CDH22: variants seen among roughly 807,000 people sequenced by gnomAD.
The protein encoded by CDH22 is cadherin-22.
In CDH22, 30 loss-of-function variants were observed where a neutral mutation model predicts 58.4. The observed-to-expected ratio is 0.51, with a 90% CI of 0.38 to 0.70. The LOEUF is 0.70. Among genes scored for constraint, CDH22 ranks in the 30% least tolerant of loss-of-function variants. The probability of loss-of-function intolerance (pLI) is 0.00; values close to 1 mark genes in which losing one functional copy is unlikely to be tolerated. For missense variants in CDH22, 1,014 were observed against 1,233.9 expected (o/e 0.82, Z 2.67); for synonymous variants, 513 against 558.2 (o/e 0.92, Z 1.14).
At chr20:46,223,705 CTT>C (rs1440360973) in intron 4 of CDH22, among the ~76,000 whole-genome samples, 2,872 of 56,980 alleles carry the variant, frequency 0.05, 86 homozygotes, top group African/African-American at 0.12. Flanking sequence ...TTCTTTCTTT[CTT>C]TCTTTCTTTT....
intron 2 of CDH22, among the ~76,000 whole-genome samples, chr20:46,245,657 T>C (rs1462731908): frequency 2.6e-5 from 4 of 152,098 alleles, no homozygotes; most frequent in Non-Finnish European, 5.9e-5. Flanking sequence ...ACATATTGAA[T>C]AAATGAATAA....
chr20:46,278,347 C>T (rs1277602477), intron 1 of CDH22, among the ~76,000 whole-genome samples: 4 of 152,162 alleles, frequency 2.6e-5, no homozygotes, highest in African/African-American at 9.7e-5. Flanking sequence ...AGTGAGTCCT[C>T]CCCACCTCTG....
intron 1 of CDH22, among the ~76,000 whole-genome samples, chr20:46,286,325 A>T (rs2086576652): frequency 6.6e-6 from 1 of 152,094 alleles, no homozygotes; most frequent in Non-Finnish European, 1.5e-5. Flanking sequence ...GTCGAGGTCC[A>T]AATCTGACCA....
intron 1 of CDH22, among the ~76,000 whole-genome samples, chr20:46,278,011 G>A (rs2086529000): frequency 7.6e-6 from 1 of 132,350 alleles, no homozygotes; most frequent in Non-Finnish European, 1.7e-5. Flanking sequence ...GGGGCAGGAG[G>A]CGTTGGCCGA....
intron 1 of CDH22, among the ~76,000 whole-genome samples, chr20:46,253,616 G>T (rs1254535371): frequency 1.3e-5 from 2 of 152,164 alleles, no homozygotes; most frequent in Admixed American, 6.5e-5. Context: ...CCAGGGATCC[G>T]GCTTTGATTC....
chr20:46,250,907 G>A, intron 2 of CDH22, 133 bp downstream of exon 2: 1 of 605,298 alleles, frequency 1.7e-6, no homozygotes, highest in Non-Finnish European at 2.9e-6. Context: ...CCCCTTATCA[G>A]TCCTTGGCTA....
Position 46,174,826 on chromosome 20 carries a change from G to A in CDH22, c.2167C>T (p.Gln723Ter). 1 of 1,431,634 alleles carries A rather than the reference G, an allele frequency of 7.0e-7. No individual in the cohort carries two copies. The highest frequency in any genetic ancestry group is 9.1e-7 in the Non-Finnish European group (1 of 1,094,234). 88.7% of individuals were successfully genotyped at this position (1,431,634 alleles called of 1,614,324 possible). A position where few individuals can be genotyped will look rare whatever the true frequency, so the allele number is the denominator to read the frequency against. ...GSGGGAGSPP[Q>*]AHLPSERHSL... ...TGGCGCTCGGAGGGCAGGTGGGCCTGCGGGGGGCTGCCCGCGCCCCCGCCC... is the reference window on the plus strand; with the variant it reads ...TGGCGCTCGGAGGGCAGGTGGGCCTACGGGGGGCTGCCCGCGCCCCCGCCC... Residue 723 changes from glutamine to a stop codon, truncating the protein, a stop_gained, in exon 12 of 12, where the codon CAG (glutamine) becomes TAG (stop). Coordinates refer to ENST00000537909, the MANE Select transcript of CDH22 (RefSeq NM_021248.3). LOFTEE classifies it low-confidence loss of function (END_TRUNC). This position sits in a 1 kb window ranked among gnomAD's most constrained non-coding sequence, Gnocchi z 4.4.
intron 3 of CDH22, 119 bp downstream of exon 3, chr20:46,240,844 A>T: frequency 1.1e-6 from 1 of 912,910 alleles, no homozygotes; most frequent in Non-Finnish European, 1.6e-6. Context: ...CCTGTACCCT[A>T]GGTCAGCAGG....
chr20:46,288,831 G>A lies in CDH22; in HGVS notation c.-400+19424C>T, dbSNP rs1810583694. ...TGCCACCTTCATTGTTAGCAGCCTG[G>A]TCCGGCCACCATCATCTCTCACCTG... On this transcript the variant is annotated intron_variant, in intron 1 of 11. Coordinates refer to ENST00000537909, the MANE Select transcript of CDH22 (RefSeq NM_021248.3). Among the ~76,000 whole-genome samples, 3 of 152,106 alleles carry A rather than the reference G, an allele frequency of 2.0e-5. No individual in the cohort carries two copies. In the South Asian group the frequency reaches 6.2e-4, roughly 32 times the overall value.
At chr20:46,244,494 T>C (rs1472547159) in intron 2 of CDH22, among the ~76,000 whole-genome samples, 1 of 152,248 alleles carries the variant, frequency 6.6e-6, no homozygotes, top group Non-Finnish European at 1.5e-5. Context: ...GGCTGGAAGA[T>C]GGTGCTCTCA....
At chr20:46,219,513 T>A (rs1293457010) in intron 4 of CDH22, among the ~76,000 whole-genome samples, 1 of 152,146 alleles carries the variant, frequency 6.6e-6, no homozygotes, top group Non-Finnish European at 1.5e-5. Flanking sequence ...GACCTGTATG[T>A]TGTAGGATAT....
chr20:46,264,328 G>A (rs1423631650), intron 1 of CDH22, among the ~76,000 whole-genome samples: 1 of 152,198 alleles, frequency 6.6e-6, no homozygotes, highest in Non-Finnish European at 1.5e-5. Flanking sequence ...CAGGCACAGG[G>A]AAGGAAGAAA....
chr20:46,186,752 A>C, intron 9 of CDH22, 47 bp from the exon 10 acceptor site: 1 of 1,603,510 alleles, frequency 6.2e-7, no homozygotes. Flanking sequence ...GGCTGAGACC[A>C]CTCTGGGTCG....
intron 3 of CDH22, among the ~76,000 whole-genome samples, chr20:46,237,828 C>T (rs1449381340): frequency 6.6e-6 from 1 of 152,214 alleles, no homozygotes; most frequent in Non-Finnish European, 1.5e-5. Flanking sequence ...ACCTGTGAAA[C>T]AAGGACCCTT....
intron 1 of CDH22, among the ~76,000 whole-genome samples, chr20:46,279,785 TA>T (rs1202057875): frequency 6.6e-6 from 1 of 152,246 alleles, no homozygotes; most frequent in African/African-American, 2.4e-5. Flanking sequence ...AAATTAAAAT[TA>T]TTTTTAAAAG....
chr20:46,264,605 G>C (rs923506262), intron 1 of CDH22, among the ~76,000 whole-genome samples: 1 of 152,122 alleles, frequency 6.6e-6, no homozygotes, highest in Non-Finnish European at 1.5e-5. Context: ...CTAGTTAGTG[G>C]AGGATCTGGA....
At chr20:46,186,070 T>G (rs930767119) in intron 10 of CDH22, among the ~76,000 whole-genome samples, 2 of 151,764 alleles carry the variant, frequency 1.3e-5, no homozygotes, top group Non-Finnish European at 2.9e-5. Context: ...GAAAAGTAGC[T>G]GGGCATGGTG....
At chr20:46,227,021 T>A in intron 4 of CDH22, among the ~76,000 whole-genome samples, 1 of 152,226 alleles carries the variant, frequency 6.6e-6, no homozygotes, top group Non-Finnish European at 1.5e-5. Context: ...AAGGTCTCTG[T>A]GTCTTAGACA....
At chr20:46,230,679 C>T (rs1419987858) in intron 3 of CDH22, among the ~76,000 whole-genome samples, 2 of 152,048 alleles carry the variant, frequency 1.3e-5, no homozygotes, top group Non-Finnish European at 2.9e-5. Context: ...ATTTACAAAA[C>T]AGGGCCTTCA....
Sources: gnomAD v4.1 joint callset for allele counts (sites outside exome capture counted in the v4.1 genomes callset) on GRCh38, gnomAD v4.1.1 for gene constraint, Gnocchi (gnomAD v3.1) non-coding constraint, MANE v1.5 for transcripts, NCBI Gene and HGNC (gene_info 2026-07-23, HGNC 2026-07-21) for gene names.